Variants in CARMIL1 observed in about 807,000 individuals in gnomAD.
CARMIL1 encodes the protein capping protein regulator and myosin 1 linker 1.
A neutral mutation model predicts 177.1 loss-of-function variants in CARMIL1; 90 were observed. The observed-to-expected ratio is 0.51, with a 90% CI of 0.43 to 0.61. The LOEUF is 0.61. CARMIL1 is among the 20% of genes least tolerant of loss of function. CARMIL1 has a pLI of 0.00. For synonymous variants in CARMIL1, 577 were observed against 606.2 expected, an observed-to-expected ratio of 0.95 and a Z score of 0.71; for missense variants, 1,380 against 1,667.0, an observed-to-expected ratio of 0.83 and a Z score of 3.00.
chr6:25,606,031 T>G, intron 34 of CARMIL1, 30 bp from the exon 35 acceptor site: 3 of 1,554,132 alleles, frequency 1.9e-6, no homozygotes, highest in Non-Finnish European at 2.6e-6. Context: ...CTTTGACCTT[T>G]GATTTTTAAA....
intron 2 of CARMIL1, among the ~76,000 whole-genome samples, chr6:25,380,260 C>G (rs953591320): frequency 2.0e-5 from 3 of 152,144 alleles, no homozygotes; most frequent in African/African-American, 7.2e-5. Flanking sequence ...ATATGATACT[C>G]TAAAGCAGAA....
At chr6:25,502,127 T>C (rs1028160484) in intron 17 of CARMIL1, among the ~76,000 whole-genome samples, 6 of 151,744 alleles carry the variant, frequency 4.0e-5, no homozygotes, top group Non-Finnish European at 7.4e-5. Context: ...TCTGGTAATA[T>C]TAATTAATTA....
intron 2 of CARMIL1, among the ~76,000 whole-genome samples, chr6:25,416,027 A>G (rs1795329604): frequency 6.6e-6 from 1 of 152,084 alleles, no homozygotes; most frequent in South Asian, 2.1e-4. Flanking sequence ...ATAGACTGAG[A>G]GGTACATACG....
At chr6:25,504,332 T>A (rs1462489722) in intron 17 of CARMIL1, among the ~76,000 whole-genome samples, 1 of 152,202 alleles carries the variant, frequency 6.6e-6, no homozygotes, top group Non-Finnish European at 1.5e-5. Context: ...TTTTGCCATA[T>A]GCTGGTTCCT....
intron 4 of CARMIL1, among the ~76,000 whole-genome samples, chr6:25,434,467 C>T (rs1032136094): frequency 1.3e-5 from 2 of 151,186 alleles, no homozygotes; most frequent in East Asian, 1.9e-4. Flanking sequence ...ATTTTATTAA[C>T]GTGTTACCTT....
chr6:25,590,629 T>A (rs1814203298), intron 31 of CARMIL1, among the ~76,000 whole-genome samples: 1 of 152,172 alleles, frequency 6.6e-6, no homozygotes, highest in Non-Finnish European at 1.5e-5. Context: ...ATGTGATACT[T>A]GTATGTAGAT....
Position 25,326,371 on chromosome 6 carries a change from C to T in CARMIL1, c.138+41462C>T, listed in dbSNP as rs879594534. Among the ~76,000 whole-genome samples, 1 of 152,234 alleles carries T rather than the reference C, an allele frequency of 6.6e-6. No homozygotes were observed. The highest frequency in any genetic ancestry group is 1.9e-4 in the East Asian group (1 of 5,186). On this transcript the variant is annotated intron_variant, in intron 2 of 36. Coordinates refer to ENST00000329474, the MANE Select transcript of CARMIL1 (RefSeq NM_017640.6). This position sits in a 1 kb window ranked among gnomAD's most constrained non-coding sequence, Gnocchi z 4.2. ...ATATCCAAGAAGTCATGCTGGATTA[C>T]ATATACTGGTCAGTAAGGAGCTTGG...
At chr6:25,563,461 T>C (rs1811306199) in intron 29 of CARMIL1, 1 of 985,246 alleles carries the variant, frequency 1.0e-6, no homozygotes, top group South Asian at 4.7e-5. Context: ...CAATGGGAAG[T>C]CCTTAAAGAG....
intron 31 of CARMIL1, among the ~76,000 whole-genome samples, chr6:25,582,739 G>C (rs115089286): frequency 6.6e-6 from 1 of 151,912 alleles, no homozygotes; most frequent in African/African-American, 2.4e-5. Flanking sequence ...TCTCTACTAC[G>C]TCTCTGTAAC....
At chr6:25,398,206 G>T (rs1468606167) in intron 2 of CARMIL1, among the ~76,000 whole-genome samples, 1 of 152,042 alleles carries the variant, frequency 6.6e-6, no homozygotes, top group East Asian at 1.9e-4. Context: ...CCTATAGTAA[G>T]ACCTAGTGAT....
At chr6:25,557,469 A>G (rs1297728563) in intron 29 of CARMIL1, among the ~76,000 whole-genome samples, 1 of 152,178 alleles carries the variant, frequency 6.6e-6, no homozygotes, top group African/African-American at 2.4e-5. Flanking sequence ...ATTTTATCTG[A>G]ATCCTATTTC....
At chr6:25,469,103 T>A (rs16890640) in intron 9 of CARMIL1, among the ~76,000 whole-genome samples, 25,894 of 152,180 alleles carry the variant, frequency 0.17, 2,449 homozygotes, top group South Asian at 0.25. Flanking sequence ...TAATGTAAAT[T>A]GTAGGCATCA....
chr6:25,455,389 T>C (rs989834571), intron 8 of CARMIL1, among the ~76,000 whole-genome samples: 2 of 152,220 alleles, frequency 1.3e-5, no homozygotes, highest in Non-Finnish European at 2.9e-5. Flanking sequence ...TCAGTGCTTC[T>C]GGAATGGAAA....
chr6:25,459,266 C>CTTTCTTTCTTTCTTTTCT, intron 8 of CARMIL1, among the ~76,000 whole-genome samples: 4 of 73,754 alleles, frequency 5.4e-5, no homozygotes, highest in Non-Finnish European at 8.8e-5. Flanking sequence ...TTCTTTCTTT[C>CTTTCTTTCTTTCTTTTCT]TTTTTTTTTT....
At chr6:25,586,853 C>T (rs1160372862) in intron 31 of CARMIL1, among the ~76,000 whole-genome samples, 1 of 152,050 alleles carries the variant, frequency 6.6e-6, no homozygotes, top group Non-Finnish European at 1.5e-5. Flanking sequence ...ACTCGGCAGG[C>T]TGAGGCAGGA....
At chr6:25,539,625 CAAAAAAAA>C (rs11304932) in intron 25 of CARMIL1, among the ~76,000 whole-genome samples, 3 of 55,706 alleles carry the variant, frequency 5.4e-5, no homozygotes, top group Non-Finnish European at 3.1e-5. Context: ...AACTCCATCT[CAAAAAAAA>C]AAAAAAAAAA....
intron 11 of CARMIL1, 27 bp downstream of exon 11, chr6:25,472,548 A>T (rs1801184303): frequency 6.7e-7 from 1 of 1,501,502 alleles, no homozygotes; most frequent in Admixed American, 1.9e-5. Context: ...ATTATCATTG[A>T]TGCCAGAATT....
Position 25,433,295 on chromosome 6 carries a change from G to A in CARMIL1, c.250-2188G>A, listed in dbSNP as rs529597636. The A allele has an allele frequency of 1.2e-3, 177 of 152,194 alleles. 1 individual carries two copies. The highest frequency in any genetic ancestry group is 4.0e-3 in the African/African-American group (165 of 41,522). The allele number at this position is 152,194 out of a possible 1,614,324, so 9.4% of individuals were successfully genotyped here. ...AGAATAAGCTAATTACTAATTACTC[G>A]CACCCAAACTGTGAACTGAATAGAT... On this transcript the variant is annotated intron_variant, in intron 4 of 36. Transcript: ENST00000329474.
intron 8 of CARMIL1, among the ~76,000 whole-genome samples, chr6:25,459,274 T>TTCTTTCTTTCTTTCTTTTCTTTCTTTCC (rs1302680954): frequency 3.2e-5 from 1 of 30,980 alleles, no homozygotes; most frequent in Non-Finnish European, 7.6e-5. Flanking sequence ...TTCTTTTTTT[T>TTCTTTCTTTCTTTCTTTTCTTTCTTTCC]TTTTTTAAGA....
Sources: allele counts gnomAD v4.1 joint callset (sites outside exome capture counted in the v4.1 genomes callset), GRCh38; gene constraint gnomAD v4.1.1; non-coding constraint Gnocchi (gnomAD v3.1); transcripts MANE v1.5; gene names NCBI Gene and HGNC (gene_info 2026-07-23, HGNC 2026-07-21).